Variants in LYPD6B observed in about 807,000 individuals in gnomAD.
LYPD6B encodes LY6/PLAUR domain containing 6B.
In LYPD6B, 17 loss-of-function variants were observed where a neutral mutation model predicts 22.8. That is an observed-to-expected ratio of 0.75 (90% CI 0.51 to 1.12). The LOEUF is 1.12. Among genes scored for constraint, LYPD6B ranks in the 50% most tolerant of loss-of-function variants. The pLI, the probability that LYPD6B is intolerant of heterozygous loss-of-function variation, is 0.00. For synonymous variants in LYPD6B, 106 were observed against 91.6 expected, an observed-to-expected ratio of 1.16 and a Z score of -0.90; for missense variants, 221 against 258.3, an observed-to-expected ratio of 0.86 and a Z score of 0.99.
intron 1 of LYPD6B, chr2:149,068,602 C>T (rs1032725088): frequency 1.1e-5 from 5 of 452,322 alleles, no homozygotes; most frequent in Non-Finnish European, 1.8e-5. Context: ...TAGACTAATT[C>T]ATTAGTGGTG....
intron 3 of LYPD6B, among the ~76,000 whole-genome samples, chr2:149,181,790 C>T (rs994190165): frequency 1.3e-5 from 2 of 152,216 alleles, no homozygotes; most frequent in African/African-American, 2.4e-5. Flanking sequence ...TGGTCATGCT[C>T]TTTGCCCCTG....
intron 2 of LYPD6B, among the ~76,000 whole-genome samples, chr2:149,154,418 C>A (rs1689566023): frequency 6.6e-6 from 1 of 152,142 alleles, no homozygotes; most frequent in South Asian, 2.1e-4. Context: ...ACCCTGCCAG[C>A]ATCTTTGACT....
intron 2 of LYPD6B, among the ~76,000 whole-genome samples, chr2:149,158,614 C>T (rs1689855164): frequency 6.6e-6 from 1 of 152,164 alleles, no homozygotes; most frequent in Non-Finnish European, 1.5e-5. Context: ...GGTTATACAA[C>T]ACTGTGAATG....
intron 1 of LYPD6B, among the ~76,000 whole-genome samples, chr2:149,065,433 G>C (rs2105335721): frequency 6.6e-6 from 1 of 152,330 alleles, no homozygotes; most frequent in South Asian, 2.1e-4. Flanking sequence ...GGGTTGATCA[G>C]AGAGAAATGA....
chr2:149,110,948 T>C (rs1686727605), intron 1 of LYPD6B, among the ~76,000 whole-genome samples: 1 of 152,148 alleles, frequency 6.6e-6, no homozygotes, highest in Non-Finnish European at 1.5e-5. Flanking sequence ...AAGGTGATAT[T>C]GAAGCAGAGA....
At chr2:149,113,453 A>G (rs1686856618) in intron 1 of LYPD6B, among the ~76,000 whole-genome samples, 1 of 152,200 alleles carries the variant, frequency 6.6e-6, no homozygotes, top group Non-Finnish European at 1.5e-5. Flanking sequence ...AAGTCAAGAA[A>G]GATAAATAGC....
In LYPD6B at chr2:149,215,032, G is replaced by C. The variant is rs1694102673; in HGVS notation, c.*322G>C. On this transcript the variant is annotated 3_prime_UTR_variant, in exon 7 of 7. Coordinates refer to ENST00000409642, the MANE Select transcript of LYPD6B (RefSeq NM_177964.5). Reference sequence around the variant, plus strand: ...AGGCCTTTAGCTGAAAGGATTTCTTGACCTCCTTGACTGCCTCAGAGGCTG... The same window carrying C: ...AGGCCTTTAGCTGAAAGGATTTCTTCACCTCCTTGACTGCCTCAGAGGCTG... 1 of 297,314 alleles carries C rather than the reference G, an allele frequency of 3.4e-6. No homozygotes were observed. The highest frequency in any genetic ancestry group is 6.4e-6 in the Non-Finnish European group (1 of 157,156). 18.4% of individuals were successfully genotyped at this position (297,314 alleles called of 1,614,324 possible).
At chr2:149,203,568 T>A (rs1361863500) in intron 3 of LYPD6B, among the ~76,000 whole-genome samples, 1 of 152,206 alleles carries the variant, frequency 6.6e-6, no homozygotes, top group East Asian at 1.9e-4. Context: ...AGAAATCCAA[T>A]AACTGAAAGG....
chr2:149,168,211 C>CAAAAA (rs386391472), intron 3 of LYPD6B, among the ~76,000 whole-genome samples: 10 of 48,510 alleles, frequency 2.1e-4, no homozygotes, highest in East Asian at 5.9e-4. Flanking sequence ...GGCTCTGTCT[C>CAAAAA]AAAAAAAAAA....
At chr2:149,063,379 A>G (rs1039145485) in intron 1 of LYPD6B, among the ~76,000 whole-genome samples, 1 of 152,148 alleles carries the variant, frequency 6.6e-6, no homozygotes. Flanking sequence ...CCATATACTT[A>G]TATACCCTAC....
At chr2:149,149,094 G>A (rs1434309382) in intron 2 of LYPD6B, among the ~76,000 whole-genome samples, 1 of 152,118 alleles carries the variant, frequency 6.6e-6, no homozygotes, top group Non-Finnish European at 1.5e-5. Context: ...GGTGCGGGGA[G>A]GAAGAACATT....
intron 1 of LYPD6B, chr2:149,068,615 T>C (rs958287933): frequency 3.3e-5 from 16 of 482,660 alleles, no homozygotes; most frequent in Middle Eastern, 7.5e-4. Context: ...TAGTGGTGGC[T>C]TCAAGATTTT....
chr2:149,206,382 G>A (rs1270839072), intron 4 of LYPD6B, among the ~76,000 whole-genome samples: 1 of 151,968 alleles, frequency 6.6e-6, no homozygotes, highest in Admixed American at 6.6e-5. Context: ...CTGTGTGTGT[G>A]TGCATATATA....
intron 1 of LYPD6B, among the ~76,000 whole-genome samples, chr2:149,047,801 C>T (rs150138647): frequency 1.3e-5 from 2 of 152,032 alleles, no homozygotes; most frequent in Non-Finnish European, 2.9e-5. Flanking sequence ...GCACTCCATT[C>T]GTTTTTTGCT....
intron 1 of LYPD6B, among the ~76,000 whole-genome samples, chr2:149,076,418 G>A (rs1428304512): frequency 6.6e-6 from 1 of 152,158 alleles, no homozygotes; most frequent in Non-Finnish European, 1.5e-5. Flanking sequence ...GCTCTTGGAA[G>A]TGTTAGTTTT....
chr2:149,208,418 T>C lies in LYPD6B; in HGVS notation c.328+6T>C. 6.2e-7 allele frequency: 1 copy of C among 1,605,002 alleles called. No individual in the cohort carries two copies. Among genetic ancestry groups the C allele is most frequent in the Non-Finnish European group, 8.5e-7 (1 of 1,171,766 alleles). On this transcript the variant is annotated splice_donor_region_variant and intron_variant, in intron 5 of 6. Transcript: ENST00000409642. ...AGACAAATGGTGTCCACAAAGTAAGTGTGCTGAGTTTGGAAGACTTCTGTG... is the reference window on the plus strand; with the variant it reads ...AGACAAATGGTGTCCACAAAGTAAGCGTGCTGAGTTTGGAAGACTTCTGTG...
intron 1 of LYPD6B, among the ~76,000 whole-genome samples, chr2:149,093,219 G>A (rs1317129307): frequency 6.6e-6 from 1 of 151,852 alleles, no homozygotes; most frequent in Non-Finnish European, 1.5e-5. Flanking sequence ...TTACATTTTT[G>A]GCAACGATCA....
intron 3 of LYPD6B, 58 bp downstream of exon 3, chr2:149,160,893 G>A: frequency 3.8e-6 from 5 of 1,304,152 alleles, no homozygotes; most frequent in Non-Finnish European, 4.3e-6. Context: ...CTCTGGTTAA[G>A]TTGTTGGGAA....
chr2:149,126,199 G>C (rs1425449054), intron 1 of LYPD6B, among the ~76,000 whole-genome samples: 1 of 152,112 alleles, frequency 6.6e-6, no homozygotes, highest in Non-Finnish European at 1.5e-5. Context: ...ATAATATTGT[G>C]GTTGCTTTTG....
Sources: allele counts gnomAD v4.1 joint callset (sites outside exome capture counted in the v4.1 genomes callset), GRCh38; gene constraint gnomAD v4.1.1; transcripts MANE v1.5; gene names NCBI Gene and HGNC (gene_info 2026-07-23, HGNC 2026-07-21).